Variants in UGT1A10 observed in about 807,000 individuals in gnomAD.
UGT1A10 encodes the protein UDP-glucuronosyltransferase 1A10.
UGT1A10 carries 49 observed loss-of-function variants against 45.8 expected under a neutral mutation model. That is an observed-to-expected ratio of 1.07 (90% CI 0.85 to 1.36). The LOEUF (loss-of-function observed/expected upper bound fraction) is 1.36. UGT1A10 is among the 40% of genes most tolerant of loss of function. UGT1A10 has a pLI of 0.00. For synonymous variants in UGT1A10, 284 were observed against 249.7 expected (o/e 1.14, Z -1.29); for missense variants, 745 against 668.6 (o/e 1.11, Z -1.26).
In UGT1A10 at chr2:233,744,010, C is replaced by A; in HGVS notation, c.856-23024C>A. 3.5e-6 allele frequency: 4 copies of A among 1,130,890 alleles called. No individual in the cohort carries two copies. In the South Asian group the frequency reaches 4.3e-5, roughly 12 times the overall value. 70.1% of individuals were successfully genotyped at this position (1,130,890 alleles called of 1,614,324 possible). On this transcript the variant is annotated intron_variant, in intron 1 of 4. Transcript: ENST00000344644. ...AGGCCCGAGTGCTCGGAGACCTGGG[C>A]CGCCTGGAGAGACGCCCCTTATGAC...
intron 1 of UGT1A10, among the ~76,000 whole-genome samples, chr2:233,652,892 A>G (rs1289042859): frequency 6.6e-6 from 1 of 152,272 alleles, no homozygotes; most frequent in African/African-American, 2.4e-5. Context: ...TTTATGACCC[A>G]GATTTGGAAA....
chr2:233,718,910 G>T (rs760663679), intron 1 of UGT1A10: 2 of 1,614,074 alleles, frequency 1.2e-6, no homozygotes, highest in East Asian at 4.5e-5. Context: ...AGAGTGGAAA[G>T]GTGTTGGTGG....
chr2:233,705,079 A>C (rs1298601892), intron 1 of UGT1A10, among the ~76,000 whole-genome samples: 1 of 151,822 alleles, frequency 6.6e-6, no homozygotes, highest in Non-Finnish European at 1.5e-5. Flanking sequence ...GAGGTTGCAG[A>C]GAGCCAAGAT....
chr2:233,671,767 T>G, intron 1 of UGT1A10: 1 of 1,359,880 alleles, frequency 7.4e-7, no homozygotes, highest in Non-Finnish European at 9.6e-7. Context: ...AAGCTACTCA[T>G]ATATTCTTGT....
chr2:233,671,780 T>G, intron 1 of UGT1A10: 7 of 1,402,774 alleles, frequency 5.0e-6, no homozygotes, highest in Non-Finnish European at 6.5e-6. Context: ...ATTCTTGTTC[T>G]TTTGGGTAAA....
At chr2:233,693,703 A>G (rs1559346623) in intron 1 of UGT1A10, 1 of 1,614,248 alleles carries the variant, frequency 6.2e-7, no homozygotes, top group Non-Finnish European at 8.5e-7. Flanking sequence ...AAGAACTCGC[A>G]TCAGCTGTCC....
chr2:233,768,554 T>C lies in UGT1A10; in HGVS notation c.1295+115T>C, dbSNP rs1402826015. On this transcript the variant is annotated intron_variant, in intron 4 of 4. Transcript: ENST00000344644. ...GCGTTGTTTCAAATATAAAAACAAA[T>C]ACATAAAAATCTGGATTTTTATTTC... 4 of 1,425,606 alleles carry C rather than the reference T, an allele frequency of 2.8e-6. No individual in the cohort carries two copies. In the African/African-American group the frequency reaches 5.8e-5, roughly 21 times the overall value. 88.3% of individuals were successfully genotyped at this position (1,425,606 alleles called of 1,614,324 possible). A position where few individuals can be genotyped will look rare whatever the true frequency, so the allele number is the denominator to read the frequency against.
intron 1 of UGT1A10, among the ~76,000 whole-genome samples, chr2:233,717,385 T>G (rs2076570298): frequency 6.6e-6 from 1 of 152,230 alleles, no homozygotes; most frequent in Non-Finnish European, 1.5e-5. Context: ...AGACCTGCCC[T>G]CTCTGTGCCA....
intron 1 of UGT1A10, among the ~76,000 whole-genome samples, chr2:233,640,954 A>C (rs1199608435): frequency 6.6e-6 from 1 of 152,202 alleles, no homozygotes; most frequent in Non-Finnish European, 1.5e-5. Flanking sequence ...CCCTTTCTTC[A>C]TGGTCTAGGA....
Position 233,769,847 on chromosome 2 carries a change from G to C in UGT1A10, c.1295+1408G>C. On this transcript the variant is annotated intron_variant, in intron 4 of 4. Transcript: ENST00000344644. The surrounding 1 kb of genome is among the most constrained non-coding windows in gnomAD (Gnocchi z 4.4). Reference sequence around the variant, plus strand: ...TCCAGCAACCTGGGCAACAGAGTGAGACCCTGTCTCAAAAAAAAAAAAAAA... The same window carrying C: ...TCCAGCAACCTGGGCAACAGAGTGACACCCTGTCTCAAAAAAAAAAAAAAA... 1 of 475,506 alleles carries C rather than the reference G, an allele frequency of 2.1e-6. No homozygotes were observed. The highest frequency in any genetic ancestry group is 3.3e-6 in the Non-Finnish European group (1 of 298,626). The allele number at this position is 475,506 out of a possible 1,614,324, so 29.5% of individuals were successfully genotyped here.
intron 1 of UGT1A10, among the ~76,000 whole-genome samples, chr2:233,658,629 AT>A (rs1406693181): frequency 6.6e-6 from 1 of 152,084 alleles, no homozygotes; most frequent in Non-Finnish European, 1.5e-5. Flanking sequence ...TGATGTTTTG[AT>A]CATGGTTAGA....
At chr2:233,763,911 C>G (rs1698426001) in intron 1 of UGT1A10, among the ~76,000 whole-genome samples, 2 of 152,076 alleles carry the variant, frequency 1.3e-5, no homozygotes, top group Admixed American at 1.3e-4. Context: ...TAGTGAGGAC[C>G]AAGGCTTCGA....
intron 1 of UGT1A10, among the ~76,000 whole-genome samples, chr2:233,716,653 C>A (rs2076518106): frequency 6.6e-6 from 1 of 152,046 alleles, no homozygotes; most frequent in African/African-American, 2.4e-5. Flanking sequence ...TTTTTGTACC[C>A]TAAGGAAGCT....
intron 1 of UGT1A10, among the ~76,000 whole-genome samples, chr2:233,709,449 T>C (rs73996175): frequency 4.6e-4 from 70 of 152,334 alleles, no homozygotes; most frequent in African/African-American, 1.5e-3. Context: ...CTGCCGACTT[T>C]TAAAGCAATC....
At chr2:233,761,216 A>T in intron 1 of UGT1A10, 2 of 1,613,736 alleles carry the variant, frequency 1.2e-6, no homozygotes, top group Non-Finnish European at 1.7e-6. Flanking sequence ...TGGATCGATT[A>T]ACTAGCCCCA....
At chr2:233,721,815 AC>A in intron 1 of UGT1A10, 1 of 515,300 alleles carries the variant, frequency 1.9e-6, no homozygotes. Context: ...AAAATCCAGC[AC>A]CCTATTTGGG....
At chr2:233,672,694 C>G (rs772500318) in intron 1 of UGT1A10, 1 of 1,613,912 alleles carries the variant, frequency 6.2e-7, no homozygotes, top group East Asian at 2.2e-5. Context: ...TTGGTTGTTG[C>G]GAACGGACTT....
Position 233,768,265 on chromosome 2 carries a change from G to T in UGT1A10, c.1121G>T (p.Gly374Val), listed in dbSNP as rs1283652721. Residue 374 changes from glycine to valine, a missense_variant, in exon 4 of 5, where the codon GGT becomes GTT. By Grantham distance (109) the Gly-to-Val change is moderately radical. Transcript: ENST00000344644. The part of the protein sequence containing the change: ...RAFITHAGSH[G>V]VYESICNGVP... ...TTTATCACCCATGCTGGTTCCCATGGTGTTTATGAAAGCATATGCAATGGC... is the reference window on the plus strand; with the variant it reads ...TTTATCACCCATGCTGGTTCCCATGTTGTTTATGAAAGCATATGCAATGGC... 5.0e-6 allele frequency: 8 copies of T among 1,614,030 alleles called. No individual in the cohort carries two copies. The highest frequency in any genetic ancestry group is 6.8e-6 in the Non-Finnish European group (8 of 1,180,030).
chr2:233,659,350 G>A (rs1192307631), intron 1 of UGT1A10, among the ~76,000 whole-genome samples: 2 of 152,036 alleles, frequency 1.3e-5, no homozygotes, highest in Non-Finnish European at 2.9e-5. Context: ...TACCAATAAC[G>A]TAAATAGCCA....
Sources: gnomAD v4.1 joint callset for allele counts (sites outside exome capture counted in the v4.1 genomes callset) on GRCh38, gnomAD v4.1.1 for gene constraint, Gnocchi (gnomAD v3.1) non-coding constraint, MANE v1.5 for transcripts, NCBI Gene and HGNC (gene_info 2026-07-23, HGNC 2026-07-21) for gene names.